The following MYO3A variants were observed in gnomAD, a reference collection of about 807,000 sequenced individuals.
MYO3A encodes the protein myosin-IIIa.
In MYO3A, 180 loss-of-function variants were observed where a neutral mutation model predicts 192.7. That is an observed-to-expected ratio of 0.93 (90% confidence interval 0.83 to 1.06). The LOEUF is 1.06. Ranked by LOEUF, MYO3A falls within the 50% of genes least tolerant of loss-of-function variation. The pLI is 0.00. For missense variants in MYO3A, 1,896 were observed against 1,905.0 expected (o/e 1.00, Z 0.09); for synonymous variants, 628 against 645.3 (o/e 0.97, Z 0.41).
intron 14 of MYO3A, among the ~76,000 whole-genome samples, chr10:26,081,729 G>C (rs953422046): frequency 6.6e-6 from 1 of 152,162 alleles, no homozygotes; most frequent in African/African-American, 2.4e-5. Flanking sequence ...AAGCTCCCAG[G>C]GCTTTTCTGC....
chr10:26,190,976 C>A (rs1243061858), intron 31 of MYO3A, among the ~76,000 whole-genome samples: 1 of 152,016 alleles, frequency 6.6e-6, no homozygotes, highest in Non-Finnish European at 1.5e-5. Flanking sequence ...TCTTGGCCAT[C>A]TTCATTTTAA....
At chr10:26,006,184 G>A (rs899912437) in intron 6 of MYO3A, among the ~76,000 whole-genome samples, 3 of 152,020 alleles carry the variant, frequency 2.0e-5, no homozygotes, top group African/African-American at 7.2e-5. Flanking sequence ...TGAAACCAAC[G>A]AGAACAAAGA....
chr10:26,006,222 A>C (rs1427654594), intron 6 of MYO3A, among the ~76,000 whole-genome samples: 1 of 152,162 alleles, frequency 6.6e-6, no homozygotes, highest in Non-Finnish European at 1.5e-5. Flanking sequence ...TCTGGGACAC[A>C]TTCAAAGCAG....
chr10:26,057,038 A>T (rs185419023), intron 10 of MYO3A, among the ~76,000 whole-genome samples: 112 of 152,318 alleles, frequency 7.4e-4, no homozygotes, highest in Non-Finnish European at 1.1e-3. Context: ...AAGGACACAG[A>T]GGAACTGAAT....
intron 17 of MYO3A, among the ~76,000 whole-genome samples, chr10:26,111,200 A>C (rs1588974083): frequency 6.6e-6 from 1 of 152,134 alleles, no homozygotes; most frequent in Non-Finnish European, 1.5e-5. Flanking sequence ...AAGTGTGTTC[A>C]TAATGGCTTC....
intron 6 of MYO3A, among the ~76,000 whole-genome samples, chr10:26,009,157 C>T (rs1341495601): frequency 6.9e-6 from 1 of 145,802 alleles, no homozygotes; most frequent in East Asian, 1.9e-4. Context: ...TATTCTCACT[C>T]ATAGGTGGGA....
At chr10:26,097,346 A>G (rs1159127299) in intron 17 of MYO3A, among the ~76,000 whole-genome samples, 3 of 152,068 alleles carry the variant, frequency 2.0e-5, no homozygotes, top group Non-Finnish European at 4.4e-5. Context: ...TGCAGCATGT[A>G]TCAGTACTTC....
chr10:26,086,667 C>T (rs1836340117), intron 14 of MYO3A, among the ~76,000 whole-genome samples: 1 of 152,054 alleles, frequency 6.6e-6, no homozygotes, highest in South Asian at 2.1e-4. Context: ...TGATCTCAGC[C>T]TTTTCTTCCC....
At chr10:26,095,676 C>A (rs1055468356) in intron 15 of MYO3A, among the ~76,000 whole-genome samples, 7 of 152,278 alleles carry the variant, frequency 4.6e-5, no homozygotes, top group African/African-American at 1.7e-4. Flanking sequence ...TGGAAACTTA[C>A]CTTGTTGTAA....
At chr10:26,076,447 G>A (rs901905000) in intron 14 of MYO3A, among the ~76,000 whole-genome samples, 3 of 151,826 alleles carry the variant, frequency 2.0e-5, no homozygotes, top group Admixed American at 6.6e-5. Flanking sequence ...CCACTCTGTG[G>A]GTTTTCTCTT....
In MYO3A at chr10:25,952,128, A is replaced by G. The variant is rs201498774; in HGVS notation, c.18A>G (p.Gly6=). ...CCTTTGAGATGTTTCCATTAATTGG[A>G]AAAACAATCATCTTTGATAACTTTC... MFPLI[G]KTIIFDNFPD... Residue 6 remains glycine, a synonymous_variant, in exon 3 of 35, where the codon GGA becomes GGG. Transcript: ENST00000642920. 3 of 1,611,576 alleles carry G rather than the reference A, an allele frequency of 1.9e-6. No homozygotes were observed. In the East Asian group the frequency reaches 6.7e-5, roughly 36 times the overall value.
chr10:26,081,863 G>A (rs577005795), intron 14 of MYO3A, among the ~76,000 whole-genome samples: 11 of 152,104 alleles, frequency 7.2e-5, no homozygotes, highest in African/African-American at 2.4e-4. Flanking sequence ...TGTGTGTTCG[G>A]GAGAGGAGGG....
At chr10:26,204,888 TAC>T (rs1473646160) in intron 34 of MYO3A, among the ~76,000 whole-genome samples, 2 of 152,184 alleles carry the variant, frequency 1.3e-5, no homozygotes, top group Non-Finnish European at 2.9e-5. Context: ...TAAGGAAGGT[TAC>T]AGAGACAAAA....
intron 31 of MYO3A, among the ~76,000 whole-genome samples, chr10:26,184,845 A>G (rs1268532141): frequency 1.3e-5 from 2 of 152,332 alleles, no homozygotes; most frequent in African/African-American, 2.4e-5. Flanking sequence ...ATAATTTGTG[A>G]TTATAAATGT....
At chr10:26,183,976 C>T (rs536988677) in intron 31 of MYO3A, among the ~76,000 whole-genome samples, 2 of 152,308 alleles carry the variant, frequency 1.3e-5, no homozygotes, top group Admixed American at 6.5e-5. Context: ...ATCCCAGCTA[C>T]TCGGAAGGCT....
At chr10:26,098,360 G>A (rs953908151) in intron 17 of MYO3A, among the ~76,000 whole-genome samples, 28 of 152,294 alleles carry the variant, frequency 1.8e-4, no homozygotes, top group African/African-American at 6.7e-4. Context: ...CATTCTGTAG[G>A]TTGCCTATTC....
intron 17 of MYO3A, among the ~76,000 whole-genome samples, chr10:26,099,652 G>A: frequency 6.6e-6 from 1 of 152,158 alleles, no homozygotes; most frequent in African/African-American, 2.4e-5. Flanking sequence ...GGCCTTTTCT[G>A]CATCTATTGA....
chr10:26,176,821 G>A lies in MYO3A; in HGVS notation c.4414G>A (p.Val1472Ile). 1 of 1,614,122 alleles carries A rather than the reference G, an allele frequency of 6.2e-7. No homozygotes were observed. The highest frequency in any genetic ancestry group is 8.5e-7 in the Non-Finnish European group (1 of 1,180,018). Reference sequence around the variant, plus strand: ...GCACCATAAGCCAATTAATAGACGAGTTTCTTCTCAGCAGTGCCTCTCAGG... The same window carrying A: ...GCACCATAAGCCAATTAATAGACGAATTTCTTCTCAGCAGTGCCTCTCAGG... ...VSHHKPINRRVSSQQCLSGVC... is the reference protein window; with the variant it reads ...VSHHKPINRRISSQQCLSGVC... Residue 1472 changes from valine (V) to isoleucine (I), a missense_variant, in exon 31 of 35, where the codon GTT becomes ATT. Physicochemically the swap from Val to Ile is conservative, Grantham distance 29. Transcript: ENST00000642920.
At chr10:25,989,997 C>T (rs1169614497) in intron 4 of MYO3A, among the ~76,000 whole-genome samples, 2 of 152,150 alleles carry the variant, frequency 1.3e-5, no homozygotes, top group African/African-American at 4.8e-5. Flanking sequence ...GGGACGTTCT[C>T]TTGTTCCAGG....
Sources: allele counts gnomAD v4.1 joint callset (sites outside exome capture counted in the v4.1 genomes callset), GRCh38; gene constraint gnomAD v4.1.1; transcripts MANE v1.5; gene names NCBI Gene and HGNC (gene_info 2026-07-23, HGNC 2026-07-21).